Variants in WWOX observed in about 807,000 individuals in gnomAD.
WWOX encodes the protein WW domain containing oxidoreductase.
A neutral mutation model predicts 46.2 loss-of-function variants in WWOX; 69 were observed. The observed-to-expected ratio is 1.49, with a 90% confidence interval of 1.23 to 1.82. The LOEUF (loss-of-function observed/expected upper bound fraction) is 1.82. Ranked by LOEUF, WWOX falls within the 40% of genes most tolerant of loss-of-function variation. The pLI is 0.00. For synonymous variants in WWOX, 359 were observed against 202.6 expected, an observed-to-expected ratio of 1.77 and a Z score of -6.56; for missense variants, 919 against 542.6, an observed-to-expected ratio of 1.69 and a Z score of -6.89.
intron 5 of WWOX, among the ~76,000 whole-genome samples, chr16:78,279,548 A>C (rs1010662446): frequency 5.3e-5 from 8 of 152,184 alleles, no homozygotes; most frequent in African/African-American, 1.9e-4. Context: ...GGGTGTTTCC[A>C]AAAAGAGAGT....
intron 8 of WWOX, among the ~76,000 whole-genome samples, chr16:78,626,349 C>A (rs533824360): frequency 6.6e-6 from 1 of 152,288 alleles, no homozygotes; most frequent in East Asian, 1.9e-4. Flanking sequence ...TTAGCATCTT[C>A]TTGGCTGTGA....
chr16:78,882,708 T>A (rs1386437383), intron 8 of WWOX, among the ~76,000 whole-genome samples: 1 of 151,958 alleles, frequency 6.6e-6, no homozygotes, highest in Non-Finnish European at 1.5e-5. Context: ...AGGCTGGCCT[T>A]GTATTTCTGA....
intron 8 of WWOX, among the ~76,000 whole-genome samples, chr16:79,179,685 T>C (rs2050871251): frequency 6.6e-6 from 1 of 152,242 alleles, no homozygotes; most frequent in Admixed American, 6.5e-5. Context: ...GATCTTTCTT[T>C]ACCAGATCCT....
intron 5 of WWOX, among the ~76,000 whole-genome samples, chr16:78,170,023 G>A (rs1026265992): frequency 3.3e-5 from 5 of 152,156 alleles, no homozygotes; most frequent in Admixed American, 1.3e-4. Context: ...AAGAGGGGCA[G>A]GTGGCTCTCC....
chr16:78,203,643 G>A (rs373711831), intron 5 of WWOX, among the ~76,000 whole-genome samples: 5 of 152,272 alleles, frequency 3.3e-5, no homozygotes, highest in East Asian at 3.9e-4. Context: ...ACATTCTTGC[G>A]ACCACAGGTA....
intron 8 of WWOX, among the ~76,000 whole-genome samples, chr16:79,053,827 C>T (rs1464786117): frequency 2.0e-5 from 3 of 152,132 alleles, no homozygotes; most frequent in African/African-American, 7.2e-5. Flanking sequence ...CAGAAATTTG[C>T]AGCTTCTATT....
At chr16:79,210,936 A>G (rs960358524) in intron 8 of WWOX, among the ~76,000 whole-genome samples, 1 of 152,184 alleles carries the variant, frequency 6.6e-6, no homozygotes, top group Non-Finnish European at 1.5e-5. Flanking sequence ...GTCCCATTGT[A>G]AATCTGGGTC....
chr16:78,146,375 C>A (rs1158937525), intron 4 of WWOX, among the ~76,000 whole-genome samples: 1 of 152,032 alleles, frequency 6.6e-6, no homozygotes, highest in Non-Finnish European at 1.5e-5. Flanking sequence ...GTTGGGGATC[C>A]TACCAAGACC....
intron 8 of WWOX, among the ~76,000 whole-genome samples, chr16:78,817,169 A>ATTTTTTT (rs1460643310): frequency 1.1e-4 from 3 of 26,582 alleles, no homozygotes; most frequent in Non-Finnish European, 2.3e-4. Flanking sequence ...CATTAGTGCT[A>ATTTTTTT]TTCTTTTTTT....
intron 8 of WWOX, among the ~76,000 whole-genome samples, chr16:78,783,728 G>T (rs2050385528): frequency 1.3e-5 from 1 of 77,406 alleles, no homozygotes; most frequent in Admixed American, 1.4e-4. Flanking sequence ...TGATGATGTT[G>T]ATGTTGATGA....
intron 5 of WWOX, among the ~76,000 whole-genome samples, chr16:78,377,702 T>C (rs76251114): frequency 0.023 from 3,489 of 152,292 alleles, 138 homozygotes; most frequent in African/African-American, 0.08. Flanking sequence ...CGCTCTCTTA[T>C]TAGTTTCTGG....
At chr16:78,513,786 C>T (rs926915928) in intron 8 of WWOX, among the ~76,000 whole-genome samples, 14 of 152,254 alleles carry the variant, frequency 9.2e-5, no homozygotes, top group South Asian at 2.1e-4. Context: ...TCCAAACTTA[C>T]GTCACCACTT....
intron 8 of WWOX, among the ~76,000 whole-genome samples, chr16:78,917,220 G>C (rs574049366): frequency 2.0e-5 from 3 of 152,204 alleles, no homozygotes; most frequent in African/African-American, 7.2e-5. Context: ...CTACCTTACA[G>C]CTGTTACTGC....
intron 5 of WWOX, among the ~76,000 whole-genome samples, chr16:78,356,079 AAAAAAAAAAAAAAAGAAG>A (rs2081281511): frequency 1.3e-5 from 1 of 75,648 alleles, no homozygotes; most frequent in Admixed American, 1.1e-4. Flanking sequence ...CCTAAAAAAA[AAAAAAAAAAAAAAAGAAG>A]AATCGATTGA....
rs556369555 is a variant in WWOX at position 78,685,028 on chromosome 16, C to G, written c.1056+252276C>G. On this transcript the variant is annotated intron_variant, in intron 8 of 8. Coordinates refer to ENST00000566780, the MANE Select transcript of WWOX (RefSeq NM_016373.4). ...TCTGGGGTGTCCTTTGGCCACAATC[C>G]TCAGGATTATTTTTTCTCTGTGCTG... Among the ~76,000 whole-genome samples the G allele has an allele frequency of 3.9e-5, 6 of 152,222 alleles. No homozygotes were observed. In the East Asian group the frequency reaches 7.7e-4, roughly 20 times the overall value.
intron 5 of WWOX, among the ~76,000 whole-genome samples, chr16:78,312,897 G>A (rs2080276655): frequency 6.6e-6 from 1 of 152,216 alleles, no homozygotes; most frequent in Non-Finnish European, 1.5e-5. Context: ...CACTGCCTCT[G>A]TCTATGGGCA....
intron 1 of WWOX, among the ~76,000 whole-genome samples, chr16:78,105,166 C>T (rs1185422679): frequency 6.6e-6 from 1 of 152,178 alleles, no homozygotes; most frequent in Admixed American, 6.5e-5. Flanking sequence ...AGCCCCGCAA[C>T]AAAGAATGAT....
At chr16:78,183,685 T>C (rs1236547809) in intron 5 of WWOX, among the ~76,000 whole-genome samples, 1 of 152,202 alleles carries the variant, frequency 6.6e-6, no homozygotes, top group Non-Finnish European at 1.5e-5. Flanking sequence ...ATCTCCTGAA[T>C]ACCACCCCTT....
At chr16:78,364,833 G>GTT (rs1254828424) in intron 5 of WWOX, among the ~76,000 whole-genome samples, 2 of 152,276 alleles carry the variant, frequency 1.3e-5, no homozygotes, top group East Asian at 3.9e-4. Context: ...GGAACAAGGT[G>GTT]TTTTCTGTGC....
Sources: allele counts gnomAD v4.1 joint callset (sites outside exome capture counted in the v4.1 genomes callset), GRCh38; gene constraint gnomAD v4.1.1; transcripts MANE v1.5; gene names NCBI Gene and HGNC (gene_info 2026-07-23, HGNC 2026-07-21).